Variants in SGCZ observed in about 807,000 individuals in gnomAD.
SGCZ encodes zeta-sarcoglycan.
Under a neutral mutation model 41.3 loss-of-function variants are expected in SGCZ, and 40 were observed. That is an observed-to-expected ratio of 0.97 (90% CI 0.75 to 1.26). The LOEUF is 1.26. SGCZ is among the 50% of genes most tolerant of loss of function. The pLI, the probability that SGCZ is intolerant of heterozygous loss-of-function variation, is 0.00. For missense variants in SGCZ, 552 were observed against 369.8 expected, an observed-to-expected ratio of 1.49 and a Z score of -4.04; for synonymous variants, 206 against 137.5, an observed-to-expected ratio of 1.50 and a Z score of -3.49.
intron 1 of SGCZ, among the ~76,000 whole-genome samples, chr8:15,178,605 T>C (rs1800068760): frequency 6.6e-6 from 1 of 152,194 alleles, no homozygotes; most frequent in African/African-American, 2.4e-5. Context: ...GCAAACCTCT[T>C]GAACTTATTC....
chr8:14,350,992 C>A (rs17119144), intron 2 of SGCZ, among the ~76,000 whole-genome samples: 4,111 of 152,206 alleles, frequency 0.027, 156 homozygotes, highest in African/African-American at 0.092. Flanking sequence ...CATGTCTATG[C>A]ATGCGTAGGG....
chr8:14,834,367 A>G (rs1055770410), intron 1 of SGCZ, among the ~76,000 whole-genome samples: 4 of 152,222 alleles, frequency 2.6e-5, no homozygotes, highest in Non-Finnish European at 5.9e-5. Context: ...GTGTCACTCA[A>G]GATGGGCTAA....
In SGCZ at chr8:15,049,341, G is replaced by A. The variant is rs180860443; in HGVS notation, c.39+188244C>T. 3.5e-3 allele frequency among the ~76,000 whole-genome samples: 538 copies of A among 152,204 alleles called. 5 individuals are homozygous for A. Among genetic ancestry groups the A allele is most frequent in the African/African-American group, 0.012 (512 of 41,532 alleles). On this transcript the variant is annotated intron_variant, in intron 1 of 7. Coordinates refer to ENST00000382080, the MANE Select transcript of SGCZ (RefSeq NM_139167.4). ...GGTCTATTCAACAATCCAAAAGATT[G>A]CTAGCATGGCTAGAAGAGAGGGAAG...
chr8:14,871,034 C>A (rs1231445349), intron 1 of SGCZ, among the ~76,000 whole-genome samples: 1 of 152,042 alleles, frequency 6.6e-6, no homozygotes, highest in East Asian at 1.9e-4. Flanking sequence ...ACAGAGAAAC[C>A]TCATGTCTAC....
intron 2 of SGCZ, among the ~76,000 whole-genome samples, chr8:14,350,670 T>A (rs1803058590): frequency 6.6e-6 from 1 of 151,884 alleles, no homozygotes; most frequent in Non-Finnish European, 1.5e-5. Flanking sequence ...AGAGCTGAGG[T>A]CTTTGTGGAA....
rs560928273 is a variant in SGCZ, at chr8:15,138,839, C to T, written c.39+98746G>A. ...AATGTTTAAACCATGTGGCTCAGGA[C>T]GGAGAACCAAAAGGAAGACTTGCTG... On this transcript the variant is annotated intron_variant, in intron 1 of 7. Transcript: ENST00000382080. Among the ~76,000 whole-genome samples, 11 of 152,150 alleles carry T rather than the reference C, an allele frequency of 7.2e-5. No homozygotes were observed. In the South Asian group the frequency reaches 8.3e-4, roughly 12 times the overall value.
chr8:15,192,202 T>C (rs1800564562), intron 1 of SGCZ, among the ~76,000 whole-genome samples: 1 of 152,054 alleles, frequency 6.6e-6, no homozygotes, highest in East Asian at 1.9e-4. Context: ...TCCCCCTCCC[T>C]GTGTAGATAG....
chr8:14,916,487 A>G (rs755252407), intron 1 of SGCZ, among the ~76,000 whole-genome samples: 19 of 152,312 alleles, frequency 1.2e-4, no homozygotes, highest in Non-Finnish European at 2.4e-4. Context: ...TTTTTTCAGG[A>G]ATGCTCCAAA....
intron 2 of SGCZ, among the ~76,000 whole-genome samples, chr8:14,546,821 A>G (rs1803643126): frequency 6.6e-6 from 1 of 152,182 alleles, no homozygotes; most frequent in Non-Finnish European, 1.5e-5. Flanking sequence ...TAAATTTAGT[A>G]GCATTAATAC....
Position 14,189,941 on chromosome 8 carries a change from C to T in SGCZ, c.425-25239G>A, listed in dbSNP as rs186332015. On this transcript the variant is annotated intron_variant, in intron 4 of 7. Transcript: ENST00000382080. The stretch of plus-strand genomic sequence containing the variant: ...ATTTGTTTATTTAATAAGCTTCTTC[C>T]ATTTAGCATAATGTCCTTTAGGTTC... Among the ~76,000 whole-genome samples the T allele has an allele frequency of 3.3e-5, 5 of 151,812 alleles. No homozygotes were observed. The East Asian group carries it at 7.7e-4, about 24-fold the overall frequency.
In SGCZ at chr8:14,745,989, G is replaced by A. The variant is rs532516235; in HGVS notation, c.40-191063C>T. Among the ~76,000 whole-genome samples, 12 of 151,868 alleles carry A rather than the reference G, an allele frequency of 7.9e-5. No individual in the cohort carries two copies. The East Asian group carries it at 1.9e-3, about 24-fold the overall frequency. On this transcript the variant is annotated intron_variant, in intron 1 of 7. Transcript: ENST00000382080. ...TTAGAGTTGTAAGTTACAGATAAGT[G>A]CAATAACAATTATTATTCTCTTGTT...
chr8:14,637,461 A>G (rs530876517), intron 1 of SGCZ, among the ~76,000 whole-genome samples: 3 of 151,684 alleles, frequency 2.0e-5, no homozygotes, highest in African/African-American at 2.4e-5. Context: ...TTCAACCCAC[A>G]TATCTCTCCC....
chr8:14,453,249 C>T (rs527514258), intron 2 of SGCZ, among the ~76,000 whole-genome samples: 1 of 152,072 alleles, frequency 6.6e-6, no homozygotes. Flanking sequence ...TCATTGTGAG[C>T]AGCCTATGTC....
chr8:14,172,607 A>AGAC (rs146255396), intron 4 of SGCZ, among the ~76,000 whole-genome samples: 1,602 of 152,324 alleles, frequency 0.011, 28 homozygotes, highest in African/African-American at 0.036. Flanking sequence ...ATTAGACAAA[A>AGAC]GACAACAGGA....
At chr8:15,162,505 C>A (rs1799539947) in intron 1 of SGCZ, among the ~76,000 whole-genome samples, 1 of 152,226 alleles carries the variant, frequency 6.6e-6, no homozygotes, top group Non-Finnish European at 1.5e-5. Flanking sequence ...TGACTCAGTT[C>A]TGTTTCCAAA....
intron 1 of SGCZ, among the ~76,000 whole-genome samples, chr8:15,057,702 C>A (rs1327463655): frequency 6.6e-6 from 1 of 152,184 alleles, no homozygotes; most frequent in African/African-American, 2.4e-5. Flanking sequence ...TAGATGACAG[C>A]TAAATAATTA....
chr8:15,203,461 G>A (rs1042231558), intron 1 of SGCZ, among the ~76,000 whole-genome samples: 10 of 152,174 alleles, frequency 6.6e-5, no homozygotes, highest in South Asian at 4.1e-4. Context: ...AGAATACACC[G>A]GATTGAGGGC....
At chr8:14,257,148 G>A (rs887570748) in intron 3 of SGCZ, among the ~76,000 whole-genome samples, 24 of 151,946 alleles carry the variant, frequency 1.6e-4, no homozygotes, top group Non-Finnish European at 7.4e-5. Flanking sequence ...GGGCAATATG[G>A]CAAAAATTCA....
At chr8:14,495,638 T>C (rs868318634) in intron 2 of SGCZ, among the ~76,000 whole-genome samples, 1 of 152,134 alleles carries the variant, frequency 6.6e-6, no homozygotes, top group African/African-American at 2.4e-5. Flanking sequence ...AGATACAAAA[T>C]AGATTTGGAT....
Sources: allele counts gnomAD v4.1 joint callset (sites outside exome capture counted in the v4.1 genomes callset), GRCh38; gene constraint gnomAD v4.1.1; transcripts MANE v1.5; gene names NCBI Gene and HGNC (gene_info 2026-07-23, HGNC 2026-07-21).